RTL4: variants seen among roughly 807,000 people sequenced by gnomAD.
RTL4 encodes the protein retrotransposon Gag like 4.
Under a neutral mutation model 5.3 loss-of-function variants are expected in RTL4, and 4 were observed. The observed-to-expected ratio is 0.75, with a 90% CI of 0.37 to 1.72. RTL4 has a LOEUF of 1.72. Ranked by LOEUF, RTL4 falls within the 40% of genes most tolerant of loss-of-function variation. The pLI is 0.04. For synonymous variants in RTL4, 98 were observed against 87.3 expected (o/e 1.12, Z -0.68); for missense variants, 260 against 227.1 (o/e 1.14, Z -0.93).
At chrX:112,091,108 T>C in the RTL4 span, among the ~76,000 whole-genome samples, 79 of 111,692 alleles carry the variant, frequency 7.1e-4, no homozygotes, top group African/African-American at 2.3e-3. Context: ...GTCCCCACTT[T>C]CATTTCTGAT....
chrX:112,331,348 G>C, the RTL4 span, among the ~76,000 whole-genome samples: 3 of 105,503 alleles, frequency 2.8e-5, no homozygotes, highest in East Asian at 9.0e-4. Context: ...GTGGGCAAAG[G>C]ACATGAACAG....
At chrX:112,382,975 TC>T in the RTL4 span, among the ~76,000 whole-genome samples, 1 of 112,018 alleles carries the variant, frequency 8.9e-6, no homozygotes, top group Non-Finnish European at 1.9e-5. Context: ...GGAAAACCTA[TC>T]CAAAAAAAGT....
At chrX:112,412,519 C>A in the RTL4 span, among the ~76,000 whole-genome samples, 1 of 111,194 alleles carries the variant, frequency 9.0e-6, no homozygotes, top group Non-Finnish European at 1.9e-5. Flanking sequence ...CTGGACCAAT[C>A]AAGCAGAGTA....
chrX:112,314,065 A>G, the RTL4 span, among the ~76,000 whole-genome samples: 1 of 111,552 alleles, frequency 9.0e-6, no homozygotes, highest in Non-Finnish European at 1.9e-5. Context: ...GCTCATCATC[A>G]TTGTATAGTT....
the RTL4 span, among the ~76,000 whole-genome samples, chrX:112,340,863 T>C: frequency 3.6e-5 from 4 of 110,463 alleles, no homozygotes; most frequent in African/African-American, 1.3e-4. Context: ...ACTATAGGTA[T>C]GCACCACCAC....
At chrX:112,115,644 C>A in the RTL4 span, among the ~76,000 whole-genome samples, 16 of 111,583 alleles carry the variant, frequency 1.4e-4, no homozygotes, top group African/African-American at 4.9e-4. Context: ...CCTGCCCCCA[C>A]CCCCCCGACA....
the RTL4 span, among the ~76,000 whole-genome samples, chrX:112,348,048 C>T: frequency 1.8e-5 from 2 of 111,420 alleles, no homozygotes; most frequent in African/African-American, 6.5e-5. Context: ...CAGAACTTTA[C>T]TTTTCATCTA....
chrX:112,096,645 C>T, the RTL4 span, among the ~76,000 whole-genome samples: 1 of 111,697 alleles, frequency 9.0e-6, no homozygotes, highest in African/African-American at 3.3e-5. Context: ...CTACACTAAA[C>T]AATATGGTAT....
chrX:112,395,887 A>G, the RTL4 span, among the ~76,000 whole-genome samples: 1 of 111,369 alleles, frequency 9.0e-6, no homozygotes, highest in Non-Finnish European at 1.9e-5. Context: ...TGTGTCATGT[A>G]CCCATTGTTA....
the RTL4 span, among the ~76,000 whole-genome samples, chrX:112,440,403 GA>G: frequency 9.0e-6 from 1 of 111,421 alleles, no homozygotes; most frequent in Non-Finnish European, 1.9e-5. Flanking sequence ...TCTTTGTGAT[GA>G]TACATCCTTG....
chrX:112,428,412 C>T, the RTL4 span, among the ~76,000 whole-genome samples: 1 of 111,089 alleles, frequency 9.0e-6, no homozygotes, highest in African/African-American at 3.3e-5. Flanking sequence ...CCTCTTTGAC[C>T]CATGTATTTT....
At chrX:112,105,026 C>T in the RTL4 span, among the ~76,000 whole-genome samples, 7 of 111,793 alleles carry the variant, frequency 6.3e-5, no homozygotes, top group African/African-American at 9.7e-5. Context: ...AGGTTCAGAT[C>T]GTACATTTAA....
chrX:112,215,630 C>A, the RTL4 span, among the ~76,000 whole-genome samples: 1 of 112,050 alleles, frequency 8.9e-6, no homozygotes, highest in African/African-American at 3.2e-5. Flanking sequence ...GAATTTCATT[C>A]TTTTTTAAGG....
At chrX:112,113,750 C>T in the RTL4 span, among the ~76,000 whole-genome samples, 22 of 111,891 alleles carry the variant, frequency 2.0e-4, no homozygotes, top group African/African-American at 6.8e-4. Flanking sequence ...CAGCTTGTTT[C>T]TTGTTGGACA....
the RTL4 span, among the ~76,000 whole-genome samples, chrX:112,103,365 A>G: frequency 1.8e-5 from 2 of 111,760 alleles, no homozygotes; most frequent in South Asian, 7.5e-4. Context: ...TGGAAGTTGA[A>G]TGATGAGAAC....
chrX:112,122,429 C>G, the RTL4 span, among the ~76,000 whole-genome samples: 1 of 109,722 alleles, frequency 9.1e-6, no homozygotes, highest in African/African-American at 3.3e-5. Flanking sequence ...GTTACCAGAG[C>G]CTGGGAAGGG....
At chrX:112,106,316 T>C in the RTL4 span, among the ~76,000 whole-genome samples, 1 of 111,838 alleles carries the variant, frequency 8.9e-6, no homozygotes, top group Admixed American at 9.5e-5. Flanking sequence ...CATCAGGTCT[T>C]TGTTTGGCTT....
the RTL4 span, among the ~76,000 whole-genome samples, chrX:112,184,889 T>G: frequency 9.0e-6 from 1 of 111,708 alleles, no homozygotes; most frequent in Non-Finnish European, 1.9e-5. Flanking sequence ...AGCTATCTTG[T>G]TTTCTTTTGA....
chrX:112,166,912 A>G, the RTL4 span, among the ~76,000 whole-genome samples: 1 of 112,048 alleles, frequency 8.9e-6, no homozygotes, highest in African/African-American at 3.2e-5. Context: ...TTGAACTAAG[A>G]TGACTTTCTA....
Sources: allele counts gnomAD v4.1 joint callset (sites outside exome capture counted in the v4.1 genomes callset), GRCh38; gene constraint gnomAD v4.1.1; transcripts MANE v1.5; gene names NCBI Gene and HGNC (gene_info 2026-07-23, HGNC 2026-07-21).